Variants in RAB19 observed in about 807,000 individuals in gnomAD.
RAB19 encodes the protein RAB19, member RAS oncogene family, also known as ras-related protein Rab-19.
Under a neutral mutation model 17.3 loss-of-function variants are expected in RAB19, and 21 were observed. The observed-to-expected ratio is 1.21, with a 90% CI of 0.86 to 1.74. The LOEUF (loss-of-function observed/expected upper bound fraction) is 1.74, where lower values mean the gene tolerates loss of function less well. RAB19 is among the 40% of genes most tolerant of loss of function. The probability of loss-of-function intolerance (pLI) is 0.00; values close to 1 mark genes in which losing one functional copy is unlikely to be tolerated. For synonymous variants in RAB19, 126 were observed against 110.4 expected (o/e 1.14, Z -0.88); for missense variants, 277 against 286.8 (o/e 0.97, Z 0.25).
chr7:140,407,618 TC>T lies in RAB19; in HGVS notation c.-23-4del. 1 of 1,610,044 alleles carries T rather than the reference TC, an allele frequency of 6.2e-7. No individual in the cohort carries two copies. The highest frequency in any genetic ancestry group is 8.5e-7 in the Non-Finnish European group (1 of 1,176,340). On this transcript the variant is annotated splice_region_variant and splice_polypyrimidine_tract_variant and intron_variant, in intron 1 of 3. Transcript: ENST00000537763. Reference sequence around the variant, plus strand: ...CCTGGTGCTGAATTCCATCCTTTCTTCCTAGTTCTGTTCTAGGTGGCAAGAA... The same window carrying T: ...CCTGGTGCTGAATTCCATCCTTTCTTCTAGTTCTGTTCTAGGTGGCAAGAA...
chr7:140,423,166 G>A (rs182268662), intron 3 of RAB19, among the ~76,000 whole-genome samples: 28 of 151,364 alleles, frequency 1.8e-4, no homozygotes, highest in Non-Finnish European at 3.1e-4. Flanking sequence ...TTGGCTGGGC[G>A]TGGTGGCTCA....
In RAB19 at chr7:140,407,880, CTTTTTTTTTTTTTTT is replaced by C; in HGVS notation, c.201+45_201+59del. 2.9e-4 allele frequency: 186 copies of C among 637,198 alleles called. 1 individual carries two copies. In the Admixed American group the frequency reaches 6.2e-3, roughly 21 times the overall value. 39.5% of individuals were successfully genotyped at this position (637,198 alleles called of 1,614,324 possible). ...GGCACCGGGACGGGACTGGTTCCAC[CTTTTTTTTTTTTTTT>C]TTTTTTTTTTTCCTTGAGACGGAGT... On this transcript the variant is annotated intron_variant, in intron 2 of 3. Transcript: ENST00000537763.
chr7:140,415,081 CTTT>C (rs201147147), intron 3 of RAB19, among the ~76,000 whole-genome samples: 1 of 144,042 alleles, frequency 6.9e-6, no homozygotes, highest in Non-Finnish European at 1.5e-5. Flanking sequence ...CTTTTCTTTT[CTTT>C]TTTTTTTTGA....
chr7:140,408,447 G>A (rs1043648683), intron 2 of RAB19, among the ~76,000 whole-genome samples: 2 of 151,650 alleles, frequency 1.3e-5, no homozygotes, highest in Non-Finnish European at 2.9e-5. Context: ...TTTTTGGGGG[G>A]GTGGGGGAGT....
intron 1 of RAB19, among the ~76,000 whole-genome samples, chr7:140,406,568 G>A (rs1799244626): frequency 6.6e-6 from 1 of 151,486 alleles, no homozygotes; most frequent in African/African-American, 2.4e-5. Context: ...TGAACTGGAA[G>A]GCAGAGGTTG....
chr7:140,405,916 A>G (rs1281119533), intron 1 of RAB19, among the ~76,000 whole-genome samples: 1 of 152,166 alleles, frequency 6.6e-6, no homozygotes, highest in Non-Finnish European at 1.5e-5. Context: ...AATTCTGATA[A>G]TCAGTTAGTT....
intron 3 of RAB19, among the ~76,000 whole-genome samples, chr7:140,424,586 C>CCTCTCTCTCTCT (rs376517516): frequency 2.4e-5 from 3 of 127,638 alleles, no homozygotes; most frequent in African/African-American, 9.3e-5. Context: ...TGGACCTCTC[C>CCTCTCTCTCTCT]CTCTCTCTCT....
chr7:140,411,048 T>C (rs1435623584), intron 2 of RAB19: 1 of 1,367,812 alleles, frequency 7.3e-7, no homozygotes, highest in Non-Finnish European at 9.8e-7. Flanking sequence ...CCCCCAAATC[T>C]GGACCAAGTG....
chr7:140,404,878 C>G (rs937498553), intron 1 of RAB19, among the ~76,000 whole-genome samples: 1 of 152,142 alleles, frequency 6.6e-6, no homozygotes, highest in Non-Finnish European at 1.5e-5. Flanking sequence ...TCATGTGGAA[C>G]AGGAATGTGA....
chr7:140,421,015 C>A (rs1799552923), intron 3 of RAB19, among the ~76,000 whole-genome samples: 1 of 151,780 alleles, frequency 6.6e-6, no homozygotes, highest in Non-Finnish European at 1.5e-5. Context: ...GCCTCAGCCT[C>A]CTGAGTAGCT....
intron 3 of RAB19, among the ~76,000 whole-genome samples, chr7:140,418,661 C>T (rs909673206): frequency 7.3e-5 from 11 of 151,398 alleles, no homozygotes; most frequent in African/African-American, 2.2e-4. Flanking sequence ...AGAGGTCGGA[C>T]CAGCCTGAAC....
chr7:140,420,038 A>G (rs1799529353), intron 3 of RAB19, among the ~76,000 whole-genome samples: 1 of 152,166 alleles, frequency 6.6e-6, no homozygotes, highest in South Asian at 2.1e-4. Flanking sequence ...AGTCTGTGTC[A>G]GTGTGGGTCC....
intron 2 of RAB19, among the ~76,000 whole-genome samples, chr7:140,409,834 A>G (rs1351193361): frequency 6.6e-6 from 1 of 151,880 alleles, no homozygotes; most frequent in Non-Finnish European, 1.5e-5. Flanking sequence ...TCTACTAAAA[A>G]TACAAAAAAT....
chr7:140,408,464 A>G (rs999540466), intron 2 of RAB19, among the ~76,000 whole-genome samples: 1 of 151,676 alleles, frequency 6.6e-6, no homozygotes, highest in African/African-American at 2.4e-5. Flanking sequence ...GAGTGTAGAC[A>G]GGGCTTTTTG....
At chr7:140,419,442 ATTGT>A (rs1276187545) in intron 3 of RAB19, among the ~76,000 whole-genome samples, 1 of 151,972 alleles carries the variant, frequency 6.6e-6, no homozygotes, top group African/African-American at 2.4e-5. Flanking sequence ...TTCCCTCAAT[ATTGT>A]TTAACAGTTT....
chr7:140,413,239 A>G (rs1404056263), intron 3 of RAB19, among the ~76,000 whole-genome samples: 1 of 152,144 alleles, frequency 6.6e-6, no homozygotes, highest in Non-Finnish European at 1.5e-5. Flanking sequence ...CCATTGGTCT[A>G]TGTGTCTGTT....
chr7:140,412,612 C>T (rs1363477081), intron 3 of RAB19, among the ~76,000 whole-genome samples: 3 of 151,464 alleles, frequency 2.0e-5, no homozygotes, highest in Non-Finnish European at 4.4e-5. Context: ...AAGTGATCCC[C>T]CTGCCTGGCC....
intron 3 of RAB19, among the ~76,000 whole-genome samples, chr7:140,424,586 CCTCTCT>C (rs376517516): frequency 0.095 from 12,038 of 127,200 alleles, 595 homozygotes; most frequent in African/African-American, 0.18. Context: ...TGGACCTCTC[CCTCTCT>C]CTCTCTCTCT....
intron 3 of RAB19, among the ~76,000 whole-genome samples, chr7:140,424,668 T>G (rs1238390527): frequency 1.0e-5 from 1 of 100,304 alleles, no homozygotes; most frequent in Non-Finnish European, 1.9e-5. Context: ...TGTGTGTATA[T>G]ATATATATAT....
Sources: allele counts gnomAD v4.1 joint callset (sites outside exome capture counted in the v4.1 genomes callset), GRCh38; gene constraint gnomAD v4.1.1; transcripts MANE v1.5; gene names NCBI Gene and HGNC (gene_info 2026-07-23, HGNC 2026-07-21).